The following TMEM178A variants were observed in gnomAD, a reference collection of about 807,000 sequenced individuals.
The protein encoded by TMEM178A is transmembrane protein 178.
Under a neutral mutation model 29.1 loss-of-function variants are expected in TMEM178A, and 12 were observed. The observed-to-expected ratio is 0.41, with a 90% CI of 0.26 to 0.67. TMEM178A has a LOEUF of 0.67. TMEM178A is among the 30% of genes least tolerant of loss of function. TMEM178A has a pLI of 0.29. For synonymous variants in TMEM178A, 210 were observed against 187.2 expected (o/e 1.12, Z -0.99); for missense variants, 366 against 419.1 (o/e 0.87, Z 1.11).
chr2:39,693,352 C>A (rs1671404082), intron 1 of TMEM178A, among the ~76,000 whole-genome samples: 1 of 152,136 alleles, frequency 6.6e-6, no homozygotes, highest in African/African-American at 2.4e-5. Flanking sequence ...GCAAAAGTAA[C>A]CAGTAGTGAC....
Position 39,716,578 on chromosome 2 carries a change from T to C in TMEM178A, c.653-432T>C, listed in dbSNP as rs560001322. Among the ~76,000 whole-genome samples the C allele has an allele frequency of 2.6e-5, 4 of 152,368 alleles. No individual in the cohort carries two copies. In the South Asian group the frequency reaches 6.2e-4, roughly 24 times the overall value. ...ATTGAAAAAGAAAGCAGATGTTGTA[T>C]AACGATTACAACAGAATAACTGTAT... On this transcript the variant is annotated intron_variant, in intron 3 of 3. Coordinates refer to ENST00000281961, the MANE Select transcript of TMEM178A (RefSeq NM_152390.3).
chr2:39,712,662 C>CCTCT (rs61349730), intron 3 of TMEM178A, among the ~76,000 whole-genome samples: 28 of 148,474 alleles, frequency 1.9e-4, no homozygotes, highest in African/African-American at 5.7e-4. Flanking sequence ...GACTCAGGAA[C>CCTCT]CTCTCTCTCT....
At chr2:39,705,373 G>T (rs1021568279) in intron 2 of TMEM178A, among the ~76,000 whole-genome samples, 1 of 152,142 alleles carries the variant, frequency 6.6e-6, no homozygotes, top group Non-Finnish European at 1.5e-5. Context: ...TCTGAACCTT[G>T]TGCCTTTTCA....
intron 3 of TMEM178A, among the ~76,000 whole-genome samples, chr2:39,716,432 A>G (rs537525899): frequency 6.6e-6 from 1 of 152,350 alleles, no homozygotes; most frequent in East Asian, 1.9e-4. Context: ...CTCCTTGCTC[A>G]GCTATTTTAC....
At chr2:39,690,851 G>A (rs1445603902) in intron 1 of TMEM178A, among the ~76,000 whole-genome samples, 1 of 152,156 alleles carries the variant, frequency 6.6e-6, no homozygotes, top group Non-Finnish European at 1.5e-5. Context: ...TCAGGAATAC[G>A]ATACTGAACA....
intron 1 of TMEM178A, among the ~76,000 whole-genome samples, chr2:39,666,909 A>G (rs1203503186): frequency 6.6e-6 from 1 of 152,196 alleles, no homozygotes; most frequent in African/African-American, 2.4e-5. Context: ...GTCAGACGGA[A>G]CTGATGTGGT....
chr2:39,725,894 GAC>G, the TMEM178A span, among the ~76,000 whole-genome samples: 1 of 152,204 alleles, frequency 6.6e-6, no homozygotes, highest in African/African-American at 2.4e-5. Flanking sequence ...GTGGAACAAA[GAC>G]ACATGTGGTC....
chr2:39,707,880 T>C (rs1337833043), intron 3 of TMEM178A, among the ~76,000 whole-genome samples: 2 of 152,208 alleles, frequency 1.3e-5, no homozygotes, highest in Non-Finnish European at 2.9e-5. Context: ...GCACAACCCA[T>C]GCCCCGCTGG....
At chr2:39,720,887 C>T (rs1672690853), downstream of TMEM178A, among the ~76,000 whole-genome samples, 1 of 152,164 alleles carries the variant, frequency 6.6e-6, no homozygotes, top group South Asian at 2.1e-4. Context: ...ATTAAAGGGA[C>T]TATTAACCCA....
Position 39,677,986 on chromosome 2 carries a change from G to A in TMEM178A, c.400+11612G>A, listed in dbSNP as rs139820084. On this transcript the variant is annotated intron_variant, in intron 1 of 3. Coordinates refer to ENST00000281961, the MANE Select transcript of TMEM178A (RefSeq NM_152390.3). ...AGAAAAAAAAAAAGCAAGCAAGCAG[G>A]CAGGAGAGAAAGGAAAGGAGATAGG... Among the ~76,000 whole-genome samples the A allele has an allele frequency of 2.7e-3, 409 of 152,212 alleles. 3 individuals are homozygous for A. The highest frequency in any genetic ancestry group is 9.5e-3 in the African/African-American group (396 of 41,534).
rs1558468483 is a variant in TMEM178A, at chr2:39,717,262, TG to T, written c.*14del. ...GACTCCACGGTATGACTGTCCTCAC[TG>T]GGCCTGTCCACAGTGCGAGCGACTC... On this transcript the variant is annotated 3_prime_UTR_variant, in exon 4 of 4. Coordinates refer to ENST00000281961, the MANE Select transcript of TMEM178A (RefSeq NM_152390.3). 6.2e-7 allele frequency: 1 copy of T among 1,613,134 alleles called. No homozygotes were observed. Among genetic ancestry groups the T allele is most frequent in the Admixed American group, 1.7e-5 (1 of 59,924 alleles).
intron 3 of TMEM178A, among the ~76,000 whole-genome samples, chr2:39,709,233 T>A (rs1672196955): frequency 6.6e-6 from 1 of 152,200 alleles, no homozygotes; most frequent in Non-Finnish European, 1.5e-5. Context: ...GGAACCCACA[T>A]CACAGGCAGG....
chr2:39,677,791 C>G (rs965596394), intron 1 of TMEM178A, among the ~76,000 whole-genome samples: 2 of 151,962 alleles, frequency 1.3e-5, no homozygotes, highest in Non-Finnish European at 2.9e-5. Context: ...CAGCTTGATA[C>G]TTCCTCAGAG....
At chr2:39,682,505 G>T (rs1029259200) in intron 1 of TMEM178A, among the ~76,000 whole-genome samples, 31 of 151,860 alleles carry the variant, frequency 2.0e-4, no homozygotes, top group African/African-American at 7.5e-4. Context: ...CCACTTTGCT[G>T]CTTCTGCTGG....
At chr2:39,677,541 T>C (rs1670681736) in intron 1 of TMEM178A, among the ~76,000 whole-genome samples, 1 of 152,190 alleles carries the variant, frequency 6.6e-6, no homozygotes, top group African/African-American at 2.4e-5. Flanking sequence ...CATGTCTGTA[T>C]TGGGCTTTCA....
At chr2:39,698,152 A>T (rs563637928) in intron 1 of TMEM178A, among the ~76,000 whole-genome samples, 1 of 152,362 alleles carries the variant, frequency 6.6e-6, no homozygotes, top group South Asian at 2.1e-4. Context: ...ACTATCCACA[A>T]AATTAAGATG....
the TMEM178A span, among the ~76,000 whole-genome samples, chr2:39,729,328 G>T: frequency 6.6e-6 from 1 of 152,142 alleles, no homozygotes; most frequent in Non-Finnish European, 1.5e-5. Context: ...TGGATTCCAT[G>T]GTGCCTGGTT....
intron 1 of TMEM178A, among the ~76,000 whole-genome samples, chr2:39,667,587 G>A (rs1670226077): frequency 6.6e-6 from 1 of 152,200 alleles, no homozygotes; most frequent in African/African-American, 2.4e-5. Context: ...AGCCTGGAAT[G>A]GAATGACATA....
chr2:39,703,469 G>A (rs1357602457), intron 1 of TMEM178A, among the ~76,000 whole-genome samples: 2 of 152,116 alleles, frequency 1.3e-5, no homozygotes, highest in Non-Finnish European at 2.9e-5. Context: ...CCAGATAGGG[G>A]AGGAAAATTA....
Sources: allele counts gnomAD v4.1 joint callset (sites outside exome capture counted in the v4.1 genomes callset), GRCh38; gene constraint gnomAD v4.1.1; transcripts MANE v1.5; gene names NCBI Gene and HGNC (gene_info 2026-07-23, HGNC 2026-07-21).